HMBOX1: variants seen among roughly 807,000 people sequenced by gnomAD.
HMBOX1 encodes the protein homeobox containing 1.
A neutral mutation model predicts 54.5 loss-of-function variants in HMBOX1; 14 were observed. The ratio of observed to expected loss-of-function variants is 0.26; its 90% CI spans 0.17 to 0.40. The LOEUF (loss-of-function observed/expected upper bound fraction) is 0.40. HMBOX1 is among the 10% of genes least tolerant of loss of function. The pLI is 1.00. For synonymous variants in HMBOX1, 160 were observed against 181.0 expected (o/e 0.88, Z 0.93); for missense variants, 332 against 514.4 (o/e 0.65, Z 3.43).
chr8:28,897,368 C>A (rs1455783468), intron 1 of HMBOX1, among the ~76,000 whole-genome samples: 1 of 151,570 alleles, frequency 6.6e-6, no homozygotes, highest in Non-Finnish European at 1.5e-5. Context: ...AAATTGTCCA[C>A]AAATAAAATG....
At chr8:28,988,585 G>A (rs1401524220) in intron 4 of HMBOX1, among the ~76,000 whole-genome samples, 1 of 152,176 alleles carries the variant, frequency 6.6e-6, no homozygotes, top group East Asian at 1.9e-4. Context: ...ATTCTCTTTG[G>A]GACTTGGTGT....
chr8:28,975,763 A>G (rs1828256429), intron 3 of HMBOX1, among the ~76,000 whole-genome samples: 1 of 151,926 alleles, frequency 6.6e-6, no homozygotes, highest in Non-Finnish European at 1.5e-5. Context: ...TTGTAAGAGA[A>G]GAGAGGAAGG....
At chr8:29,003,877 A>G (rs1276641142) in intron 4 of HMBOX1, among the ~76,000 whole-genome samples, 1 of 152,124 alleles carries the variant, frequency 6.6e-6, no homozygotes, top group Non-Finnish European at 1.5e-5. Context: ...TGATCTTCTA[A>G]TTAAAAAGGA....
chr8:29,027,387 G>A (rs1008357958), intron 6 of HMBOX1, among the ~76,000 whole-genome samples: 1 of 152,112 alleles, frequency 6.6e-6, no homozygotes, highest in Admixed American at 6.5e-5. Context: ...TTTGTCAGAA[G>A]TGTTGAAGGC....
intron 1 of HMBOX1, among the ~76,000 whole-genome samples, chr8:28,947,602 C>G (rs1822702394): frequency 6.6e-6 from 1 of 152,126 alleles, no homozygotes; most frequent in Admixed American, 6.6e-5. Context: ...TCTCAAGTAA[C>G]CTGTTGATAT....
intron 1 of HMBOX1, among the ~76,000 whole-genome samples, chr8:28,953,935 G>A (rs902318481): frequency 1.3e-5 from 2 of 152,092 alleles, no homozygotes; most frequent in Non-Finnish European, 2.9e-5. Context: ...TGCATATTTT[G>A]TATCTTTGTA....
intron 1 of HMBOX1, among the ~76,000 whole-genome samples, chr8:28,932,772 G>A (rs1819678978): frequency 6.6e-6 from 1 of 152,220 alleles, no homozygotes; most frequent in African/African-American, 2.4e-5. Context: ...TTCCTCAGGA[G>A]CTGCATTTAG....
chr8:28,934,739 C>T (rs977290245), intron 1 of HMBOX1, among the ~76,000 whole-genome samples: 19 of 151,922 alleles, frequency 1.3e-4, no homozygotes, highest in Non-Finnish European at 1.6e-4. Flanking sequence ...TCCTGGCTAA[C>T]ACGGTGAAAC....
intron 2 of HMBOX1, among the ~76,000 whole-genome samples, chr8:28,965,879 C>G (rs749860223): frequency 3.3e-5 from 5 of 152,088 alleles, no homozygotes; most frequent in Non-Finnish European, 7.4e-5. Flanking sequence ...GGAGAGTTCT[C>G]TCTCTGATAA....
Position 29,008,559 on chromosome 8 carries a change from C to CA in HMBOX1, c.587-504dup, listed in dbSNP as rs373308088. Among the ~76,000 whole-genome samples, 295 of 149,530 alleles carry CA rather than the reference C, an allele frequency of 2.0e-3. 3 individuals are homozygous for CA. Among genetic ancestry groups the CA allele is most frequent in the African/African-American group, 6.7e-3 (272 of 40,708 alleles). ...TGGCTAAATGAATTAACAAATAAGCCAAAAAAAAACCTTATTGAAGACAGT... is the reference window on the plus strand; with the variant it reads ...TGGCTAAATGAATTAACAAATAAGCCAAAAAAAAAACCTTATTGAAGACAGT... On this transcript the variant is annotated intron_variant, in intron 4 of 9. Transcript: ENST00000287701.
At position 28,982,815 on chromosome 8, in the gene HMBOX1, G is replaced by A. The variant is rs182694820; in HGVS notation, c.586+2659G>A. Among the ~76,000 whole-genome samples the A allele has an allele frequency of 1.5e-3, 229 of 152,098 alleles. 3 individuals carry two copies. In the East Asian group the frequency reaches 0.036, roughly 24 times the overall value. ...TAATTTTTGTGTTTGTGGTAGGCGG[G>A]GTTTCACCATATCGGCCAGGCTGGT... On this transcript the variant is annotated intron_variant, in intron 4 of 9. Coordinates refer to ENST00000287701, the MANE Select transcript of HMBOX1 (RefSeq NM_001135726.3).
intron 6 of HMBOX1, among the ~76,000 whole-genome samples, chr8:29,037,434 A>G (rs1448017793): frequency 6.6e-6 from 1 of 152,192 alleles, no homozygotes; most frequent in Non-Finnish European, 1.5e-5. Context: ...CAAATTATAA[A>G]ATTAGCACGT....
chr8:29,003,952 A>G (rs549685749), intron 4 of HMBOX1, among the ~76,000 whole-genome samples: 5 of 152,264 alleles, frequency 3.3e-5, no homozygotes, highest in African/African-American at 9.6e-5. Context: ...AGTTACTGCA[A>G]TTGTCCAGGC....
intron 1 of HMBOX1, among the ~76,000 whole-genome samples, chr8:28,898,474 G>A (rs1317994648): frequency 6.6e-6 from 1 of 152,184 alleles, no homozygotes; most frequent in Non-Finnish European, 1.5e-5. Context: ...TCAAGGACAG[G>A]CGTTGTAGGG....
chr8:28,896,143 G>A (rs1422724668), intron 1 of HMBOX1, among the ~76,000 whole-genome samples: 1 of 152,134 alleles, frequency 6.6e-6, no homozygotes, highest in Non-Finnish European at 1.5e-5. Context: ...TCAATAGACT[G>A]GGGATAAAAA....
intron 1 of HMBOX1, chr8:28,890,922 C>G (rs891124685): frequency 6.6e-6 from 1 of 152,118 alleles, no homozygotes. Flanking sequence ...TCGACTGCCC[C>G]CCAACTCTTC....
Position 29,051,875 on chromosome 8 carries a change from C to CAAAG in HMBOX1, c.*722_*725dup, listed in dbSNP as rs1160064539. 5.6e-5 allele frequency: 8 copies of CAAAG among 142,368 alleles called. No individual in the cohort carries two copies. The highest frequency in any genetic ancestry group is 1.2e-4 in the African/African-American group (3 of 24,738). 8.8% of individuals were successfully genotyped at this position (142,368 alleles called of 1,614,324 possible). Reference sequence around the variant, plus strand: ...CTGCCTTTGGGACCATGATTAAAAACAAAGACAAAAACCAAAAGTCATTAA... The same window carrying CAAAG: ...CTGCCTTTGGGACCATGATTAAAAACAAAGAAAGACAAAAACCAAAAGTCATTAA... On this transcript the variant is annotated 3_prime_UTR_variant, in exon 10 of 10. Transcript: ENST00000287701.
At position 29,020,541 on chromosome 8, in the gene HMBOX1, A is replaced by G. The variant is rs553700489; in HGVS notation, c.851+1628A>G. Among the ~76,000 whole-genome samples the G allele has an allele frequency of 1.5e-3, 226 of 152,304 alleles. 3 individuals are homozygous for G. Among genetic ancestry groups the G allele is most frequent in the African/African-American group, 5.1e-3 (211 of 41,576 alleles). On this transcript the variant is annotated intron_variant, in intron 6 of 9. Coordinates refer to ENST00000287701, the MANE Select transcript of HMBOX1 (RefSeq NM_001135726.3). ...TATGACTCCTATTTAGTCTTAATTT[A>G]TGTTTTTTAACATTAATTTTAATTA...
intron 1 of HMBOX1, among the ~76,000 whole-genome samples, chr8:28,903,935 T>C (rs971054614): frequency 6.6e-6 from 1 of 152,218 alleles, no homozygotes; most frequent in Non-Finnish European, 1.5e-5. Flanking sequence ...GCTATTGCCA[T>C]GTAGTGGGTA....
Sources: gnomAD v4.1 joint callset for allele counts (sites outside exome capture counted in the v4.1 genomes callset) on GRCh38, gnomAD v4.1.1 for gene constraint, MANE v1.5 for transcripts, NCBI Gene and HGNC (gene_info 2026-07-23, HGNC 2026-07-21) for gene names.